EIF2B3: variants seen among roughly 807,000 people sequenced by gnomAD.
EIF2B3 encodes eukaryotic translation initiation factor 2B subunit gamma, also known as translation initiation factor eIF2B subunit gamma.
In EIF2B3, 20 loss-of-function variants were observed where a neutral mutation model predicts 54.1. The ratio of observed to expected loss-of-function variants is 0.37; its 90% CI spans 0.26 to 0.54. The LOEUF (loss-of-function observed/expected upper bound fraction) is 0.54, where lower values mean the gene tolerates loss of function less well. Among genes scored for constraint, EIF2B3 ranks in the 20% least tolerant of loss-of-function variants. The probability of loss-of-function intolerance (pLI) is 0.86; values close to 1 mark genes in which losing one functional copy is unlikely to be tolerated. For missense variants in EIF2B3, 448 were observed against 547.8 expected, an observed-to-expected ratio of 0.82 and a Z score of 1.82; for synonymous variants, 153 against 188.1, an observed-to-expected ratio of 0.81 and a Z score of 1.52.
intron 11 of EIF2B3, among the ~76,000 whole-genome samples, chr1:44,856,190 A>G (rs1654428586): frequency 6.6e-6 from 1 of 152,138 alleles, no homozygotes; most frequent in African/African-American, 2.4e-5. Flanking sequence ...CAATTCTCCA[A>G]GGTAGCTATT....
At chr1:44,958,209 A>G (rs113613321) in intron 3 of EIF2B3, among the ~76,000 whole-genome samples, 90 of 152,292 alleles carry the variant, frequency 5.9e-4, no homozygotes, top group Middle Eastern at 6.8e-3. Context: ...ACCCCCTGAA[A>G]ATCAAATGGG....
intron 4 of EIF2B3, among the ~76,000 whole-genome samples, chr1:44,927,779 T>C (rs536195903): frequency 3.9e-4 from 59 of 152,316 alleles, no homozygotes; most frequent in African/African-American, 1.3e-3. Flanking sequence ...AGGAAAATCA[T>C]ATCTGCAACT....
In EIF2B3 at chr1:44,961,317, A is replaced by C. The variant is rs1186504765; in HGVS notation, c.294+16998T>G. Among the ~76,000 whole-genome samples, 13 of 58,660 alleles carry C rather than the reference A, an allele frequency of 2.2e-4. No individual in the cohort carries two copies. The East Asian group carries it at 3.6e-3, about 16-fold the overall frequency. The allele number at this position is 58,660 out of a possible 152,430, so 38.5% of individuals were successfully genotyped here. A position where few individuals can be genotyped will look rare whatever the true frequency, so the allele number is the denominator to read the frequency against. On this transcript the variant is annotated intron_variant, in intron 3 of 11. Transcript: ENST00000360403. ...GGGCAACAGAGTGAGACCCTGTCTC[A>C]AAAAAAAAAAAAAAAAAAAGTCTCC...
At chr1:44,937,883 C>A (rs1314253644) in intron 4 of EIF2B3, among the ~76,000 whole-genome samples, 1 of 33,534 alleles carries the variant, frequency 3.0e-5, no homozygotes, top group Non-Finnish European at 5.3e-5. Flanking sequence ...GACTCCGTCT[C>A]AAAAAAAAAA....
intron 4 of EIF2B3, among the ~76,000 whole-genome samples, chr1:44,933,682 A>C (rs1468284922): frequency 6.6e-6 from 1 of 152,190 alleles, no homozygotes; most frequent in Non-Finnish European, 1.5e-5. Context: ...AGGTTATGGA[A>C]TCAGAAGGCA....
At chr1:44,893,131 A>G (rs978390945) in intron 6 of EIF2B3, among the ~76,000 whole-genome samples, 1 of 152,260 alleles carries the variant, frequency 6.6e-6, no homozygotes. Flanking sequence ...GCCATCATAT[A>G]TAGCTCACTG....
chr1:44,913,679 A>G (rs1056703989), intron 5 of EIF2B3, among the ~76,000 whole-genome samples: 1 of 150,562 alleles, frequency 6.6e-6, no homozygotes, highest in Admixed American at 6.6e-5. Context: ...TATTTCTTCA[A>G]AAACTGAGAT....
chr1:44,858,188 C>A (rs1573679273), intron 10 of EIF2B3, among the ~76,000 whole-genome samples: 1 of 151,450 alleles, frequency 6.6e-6, no homozygotes, highest in African/African-American at 2.4e-5. Context: ...ATCCTCCCAC[C>A]TCAACCTGTA....
intron 8 of EIF2B3, among the ~76,000 whole-genome samples, chr1:44,877,220 A>C (rs71653934): frequency 0.18 from 26,816 of 148,554 alleles, 3,039 homozygotes; most frequent in Admixed American, 0.28. Flanking sequence ...AAAAAAAAAA[A>C]AACACCTTAG....
At chr1:44,924,582 T>C (rs1055840858) in intron 5 of EIF2B3, among the ~76,000 whole-genome samples, 2 of 151,822 alleles carry the variant, frequency 1.3e-5, no homozygotes, top group African/African-American at 4.8e-5. Flanking sequence ...GAGACGGGGT[T>C]TCACTGTGTT....
At chr1:44,868,283 A>G (rs1009298496) in intron 10 of EIF2B3, among the ~76,000 whole-genome samples, 1 of 151,126 alleles carries the variant, frequency 6.6e-6, no homozygotes. Flanking sequence ...CTGTAGTCCC[A>G]GCTACTCAGG....
chr1:44,949,746 AATG>A (rs1644141195), intron 3 of EIF2B3, among the ~76,000 whole-genome samples: 1 of 152,238 alleles, frequency 6.6e-6, no homozygotes, highest in Non-Finnish European at 1.5e-5. Flanking sequence ...ACGGCTGAAG[AATG>A]ATGATATGCT....
At chr1:44,874,503 A>G (rs1398075529) in intron 10 of EIF2B3, 175 bp downstream of exon 10, 1 of 674,930 alleles carries the variant, frequency 1.5e-6, no homozygotes, top group African/African-American at 1.8e-5. Flanking sequence ...AGAGGAATAA[A>G]TTTCCTAGTA....
Position 44,917,595 on chromosome 1 carries a change from T to C in EIF2B3, c.566+9033A>G, listed in dbSNP as rs1178282104. Among the ~76,000 whole-genome samples, 3 of 151,804 alleles carry C rather than the reference T, an allele frequency of 2.0e-5. No homozygotes were observed. In the East Asian group the frequency reaches 5.8e-4, roughly 29 times the overall value. ...TTATTTTAAAAAATTAAAATTGAAG[T>C]TATATATGCATATAAAGAGGCAAGT... On this transcript the variant is annotated intron_variant, in intron 5 of 11. Transcript: ENST00000360403.
chr1:44,851,530 TAGG>T (rs1654271681), intron 11 of EIF2B3, among the ~76,000 whole-genome samples: 1 of 152,094 alleles, frequency 6.6e-6, no homozygotes, highest in Admixed American at 6.6e-5. Context: ...AGGCTTTAAA[TAGG>T]AGAACTGAAA....
chr1:44,981,288 T>C (rs1256171865), intron 1 of EIF2B3, 111 bp from the exon 2 acceptor site: 26 of 1,109,684 alleles, frequency 2.3e-5, no homozygotes, highest in Non-Finnish European at 3.4e-5. Flanking sequence ...CTATGTCAAA[T>C]GCATAATTCC....
At chr1:44,877,059 G>C (rs568909963) in intron 8 of EIF2B3, among the ~76,000 whole-genome samples, 7 of 150,588 alleles carry the variant, frequency 4.6e-5, no homozygotes, top group Non-Finnish European at 1.0e-4. Context: ...CAAACGCTGC[G>C]GAAGGCCACA....
chr1:44,919,414 C>T (rs1041545231), intron 5 of EIF2B3, among the ~76,000 whole-genome samples: 1 of 147,502 alleles, frequency 6.8e-6, no homozygotes, highest in Non-Finnish European at 1.5e-5. Flanking sequence ...TTCACCTGCA[C>T]ATTTTTGTGG....
At chr1:44,878,055 C>T (rs1441784625) in intron 8 of EIF2B3, among the ~76,000 whole-genome samples, 1 of 152,206 alleles carries the variant, frequency 6.6e-6, no homozygotes, top group Non-Finnish European at 1.5e-5. Context: ...AGTCTTCCCA[C>T]TCAGGTTATC....
Sources: gnomAD v4.1 joint callset for allele counts (sites outside exome capture counted in the v4.1 genomes callset) on GRCh38, gnomAD v4.1.1 for gene constraint, MANE v1.5 for transcripts, NCBI Gene and HGNC (gene_info 2026-07-23, HGNC 2026-07-21) for gene names.